The following AAK1 variants were observed in gnomAD, a reference collection of about 807,000 sequenced individuals.
The protein encoded by AAK1 is AP2 associated kinase 1, also known as AP2-associated protein kinase 1.
A neutral mutation model predicts 116.0 loss-of-function variants in AAK1; 37 were observed. The ratio of observed to expected loss-of-function variants is 0.32; its 90% confidence interval spans 0.25 to 0.42. AAK1 has a LOEUF of 0.42. AAK1 is among the 10% of genes least tolerant of loss of function. AAK1 has a pLI of 1.00. For missense variants in AAK1, 919 were observed against 1,170.6 expected, an observed-to-expected ratio of 0.79 and a Z score of 3.14; for synonymous variants, 458 against 439.9, an observed-to-expected ratio of 1.04 and a Z score of -0.51.
intron 17 of AAK1, among the ~76,000 whole-genome samples, chr2:69,494,196 A>G (rs1045671399): frequency 1.3e-5 from 2 of 152,094 alleles, no homozygotes; most frequent in African/African-American, 2.4e-5. Flanking sequence ...ATTGGTATTA[A>G]AGTGTATACC....
At chr2:69,476,123 C>G (rs1000779055) in intron 21 of AAK1, among the ~76,000 whole-genome samples, 160 bp from the exon 22 acceptor site, 1 of 152,092 alleles carries the variant, frequency 6.6e-6, no homozygotes, top group African/African-American at 2.4e-5. Context: ...ATTTGCAAAC[C>G]CTTACACGTT....
chr2:69,628,855 G>A (rs768731379), intron 2 of AAK1, among the ~76,000 whole-genome samples: 1 of 152,098 alleles, frequency 6.6e-6, no homozygotes, highest in Non-Finnish European at 1.5e-5. Context: ...AGAATTTGCT[G>A]TTGATTGCTC....
At position 69,640,053 on chromosome 2, in the gene AAK1, A is replaced by ACACACTCTCT. The variant is rs1343518565; in HGVS notation, c.163+2824_163+2825insAGAGAGTGTG. On this transcript the variant is annotated intron_variant, in intron 2 of 21. Transcript: ENST00000409085. ...CACACACACACACACACACACACAC[A>ACACACTCTCT]CTCTCTCTCTCTCTCTCTCTCTCTC... 4.3e-3 allele frequency among the ~76,000 whole-genome samples: 402 copies of ACACACTCTCT among 92,732 alleles called. 4 individuals carry two copies. The highest frequency in any genetic ancestry group is 0.019 in the African/African-American group (382 of 20,416). 60.8% of individuals were successfully genotyped at this position (92,732 alleles called of 152,430 possible). A position where few individuals can be genotyped will look rare whatever the true frequency, so the allele number is the denominator to read the frequency against.
intron 12 of AAK1, 129 bp from the exon 13 acceptor site, chr2:69,514,878 T>G: frequency 6.5e-6 from 7 of 1,069,688 alleles, no homozygotes; most frequent in Non-Finnish European, 9.1e-6. Context: ...GTCTTGAGGC[T>G]AGGCCTAAAA....
chr2:69,520,857 A>G lies in AAK1; in HGVS notation c.1187T>C (p.Val396Ala). The change falls in exon 11 of 22, where the codon GTT (valine) becomes GCT (alanine). Residue 396 changes from valine (V) to alanine (A), a missense_variant. Coordinates refer to ENST00000409085, the MANE Select transcript of AAK1 (RefSeq NM_014911.5). ...ACCTGCAGCCTGAGGTGGGGGCTGA[A>G]CAGTGGCCCTCTTCCGGGGTGTCAG... Reference protein sequence around the residue: ...PALTPRKRATVQPPPQAAGSS... With the variant: ...PALTPRKRATAQPPPQAAGSS... The G allele has an allele frequency of 1.3e-6, 2 of 1,579,426 alleles. No individual in the cohort carries two copies. Among genetic ancestry groups the G allele is most frequent in the Non-Finnish European group, 1.7e-6 (2 of 1,165,912 alleles).
chr2:69,616,500 C>T (rs955550142), intron 2 of AAK1, among the ~76,000 whole-genome samples: 4 of 152,090 alleles, frequency 2.6e-5, no homozygotes, highest in Non-Finnish European at 5.9e-5. Context: ...CACCAGAGTA[C>T]TGATGTTGGG....
intron 17 of AAK1, among the ~76,000 whole-genome samples, chr2:69,483,990 C>T (rs1409087319): frequency 1.3e-5 from 2 of 152,142 alleles, no homozygotes; most frequent in African/African-American, 2.4e-5. Flanking sequence ...ATCATAGAAT[C>T]TTATAGGAAG....
chr2:69,579,214 A>G (rs13394847), intron 2 of AAK1, among the ~76,000 whole-genome samples: 6 of 152,240 alleles, frequency 3.9e-5, no homozygotes, highest in African/African-American at 1.4e-4. Flanking sequence ...CTGTGGCTCA[A>G]TCAAGCGGAT....
intron 2 of AAK1, among the ~76,000 whole-genome samples, chr2:69,592,951 C>T (rs1265108266): frequency 6.6e-6 from 1 of 152,200 alleles, no homozygotes; most frequent in Non-Finnish European, 1.5e-5. Flanking sequence ...GTTTATAAGC[C>T]TGAATAACTT....
chr2:69,475,841 C>T lies in AAK1; in HGVS notation c.*28G>A, dbSNP rs1342024730. 4 of 1,600,206 alleles carry T rather than the reference C, an allele frequency of 2.5e-6. No homozygotes were observed. Among genetic ancestry groups the T allele is most frequent in the Non-Finnish European group, 3.4e-6 (4 of 1,172,968 alleles). The stretch of plus-strand genomic sequence containing the variant: ...AATGTATTTTACGGTATGAAGGTTA[C>T]AGAACTGCATCTGCTACTGGGTCAC... On this transcript the variant is annotated 3_prime_UTR_variant, in exon 22 of 22. Transcript: ENST00000409085.
chr2:69,609,389 T>C (rs116107884), intron 2 of AAK1, among the ~76,000 whole-genome samples: 1,574 of 140,820 alleles, frequency 0.011, 21 homozygotes, highest in African/African-American at 0.038. Context: ...ACCAATAAAA[T>C]TAAAAATCCA....
chr2:69,475,865 A>C lies in AAK1; in HGVS notation c.*4T>G. 1 of 1,610,554 alleles carries C rather than the reference A, an allele frequency of 6.2e-7. No individual in the cohort carries two copies. The highest frequency in any genetic ancestry group is 2.2e-5 in the East Asian group (1 of 44,794). On this transcript the variant is annotated 3_prime_UTR_variant, in exon 22 of 22. Transcript: ENST00000409085. ...ACAGAACTGCATCTGCTACTGGGTC[A>C]CGGCTACAGGTCTATGAGCTGATCC...
Position 69,462,351 on chromosome 2 carries a change from T to A in AAK1, c.*13518A>T, listed in dbSNP as rs962410554. On this transcript the variant is annotated 3_prime_UTR_variant, in exon 22 of 22. Transcript: ENST00000409085. The stretch of plus-strand genomic sequence containing the variant: ...ACCTGCACATTGTGCACATGTACCC[T>A]AAAACTTAAAGTATAATAATAATTT... The A allele has an allele frequency of 1.3e-5, 2 of 151,180 alleles. No individual in the cohort carries two copies. The highest frequency in any genetic ancestry group is 4.9e-5 in the African/African-American group (2 of 41,016). The allele number at this position is 151,180 out of a possible 1,614,324, so 9.4% of individuals were successfully genotyped here. A position where few individuals can be genotyped will look rare whatever the true frequency, so the allele number is the denominator to read the frequency against.
At chr2:69,564,980 T>G (rs1158229892) in intron 2 of AAK1, among the ~76,000 whole-genome samples, 3 of 152,240 alleles carry the variant, frequency 2.0e-5, no homozygotes, top group African/African-American at 7.2e-5. Flanking sequence ...GATACATTAC[T>G]TATCATAAAA....
intron 3 of AAK1, among the ~76,000 whole-genome samples, chr2:69,555,769 C>G (rs1001033181): frequency 4.9e-4 from 75 of 152,076 alleles, no homozygotes; most frequent in African/African-American, 1.7e-3. Context: ...TGGTATAAAA[C>G]AAAAGCACTG....
chr2:69,461,564 A>T lies in AAK1; in HGVS notation c.*14305T>A, dbSNP rs1391524822. 5.2e-6 allele frequency: 2 copies of T among 387,822 alleles called. No individual in the cohort carries two copies. The highest frequency in any genetic ancestry group is 1.0e-5 in the Non-Finnish European group (2 of 199,338). 24.0% of individuals were successfully genotyped at this position (387,822 alleles called of 1,614,324 possible). ...GTTTCTGTATTCAAAGAAGGTATGT[A>T]GAGTCTCCACCCATCATGTCTCCAG... On this transcript the variant is annotated 3_prime_UTR_variant, in exon 22 of 22. Transcript: ENST00000409085.
intron 17 of AAK1, among the ~76,000 whole-genome samples, chr2:69,484,900 A>AT (rs1675233666): frequency 6.6e-6 from 1 of 151,538 alleles, no homozygotes; most frequent in Non-Finnish European, 1.5e-5. Context: ...AAATAAAAAC[A>AT]TAAAAAAAAG....
intron 2 of AAK1, among the ~76,000 whole-genome samples, chr2:69,639,444 CT>C (rs1278044981): frequency 6.6e-6 from 1 of 152,178 alleles, no homozygotes; most frequent in African/African-American, 2.4e-5. Context: ...AATATTCTCC[CT>C]GGCACCCAGC....
At chr2:69,596,400 T>C (rs533399733) in intron 2 of AAK1, among the ~76,000 whole-genome samples, 18 of 152,066 alleles carry the variant, frequency 1.2e-4, no homozygotes, top group Non-Finnish European at 2.5e-4. Context: ...TTTTGTATTT[T>C]TACTAGAGAC....
Sources: gnomAD v4.1 joint callset for allele counts (sites outside exome capture counted in the v4.1 genomes callset) on GRCh38, gnomAD v4.1.1 for gene constraint, MANE v1.5 for transcripts, NCBI Gene and HGNC (gene_info 2026-07-23, HGNC 2026-07-21) for gene names.